Variants in GNPDA2 observed in about 807,000 individuals in gnomAD.
GNPDA2 encodes the protein glucosamine-6-phosphate deaminase 2, also known as glcN6P deaminase 2.
In GNPDA2, 24 loss-of-function variants were observed where a neutral mutation model predicts 27.0. That is an observed-to-expected ratio of 0.89 (90% CI 0.64 to 1.25). GNPDA2 has a LOEUF of 1.25. Among genes scored for constraint, GNPDA2 ranks in the 50% most tolerant of loss-of-function variants. GNPDA2 has a pLI of 0.00. For missense variants in GNPDA2, 286 were observed against 335.1 expected (o/e 0.85, Z 1.14); for synonymous variants, 94 against 108.4 (o/e 0.87, Z 0.83).
chr4:44,708,075 T>C (rs987488777), intron 5 of GNPDA2, 149 bp from the exon 6 acceptor site: 5 of 511,330 alleles, frequency 9.8e-6, no homozygotes, highest in African/African-American at 9.6e-5. Context: ...TATTCATTTC[T>C]ACTTTTTAAG....
chr4:44,717,281 G>C lies in GNPDA2; in HGVS notation c.241C>G (p.His81Asp). 1 of 1,480,154 alleles carries C rather than the reference G, an allele frequency of 6.8e-7. No homozygotes were observed. The allele number at this position is 1,480,154 out of a possible 1,614,324, so 91.7% of individuals were successfully genotyped here. A position where few individuals can be genotyped will look rare whatever the true frequency, so the allele number is the denominator to read the frequency against. ...MDEYVGLPRN[H>D]PESYHSYMWN... The stretch of plus-strand genomic sequence containing the variant: ...ATATAAGAATGGTAGCTTTCAGGAT[G>C]ATTTCTTGGAAGTCCTAAAGATGAA... The change falls in exon 4 of 7, where the codon CAT becomes GAT. Residue 81 changes from histidine (H) to aspartate (D), a missense_variant. Coordinates refer to ENST00000295448, the MANE Select transcript of GNPDA2 (RefSeq NM_138335.3).
chr4:44,707,996 G>A, intron 5 of GNPDA2, 70 bp from the exon 6 acceptor site: 3 of 1,063,538 alleles, frequency 2.8e-6, no homozygotes, highest in Admixed American at 2.6e-5. Flanking sequence ...TTTTTTAAAC[G>A]AGAACTTAAG....
chr4:44,711,209 A>C, intron 4 of GNPDA2, 72 bp from the exon 5 acceptor site: 3 of 893,898 alleles, frequency 3.4e-6, no homozygotes, highest in Non-Finnish European at 3.1e-6. Context: ...TGCGTTAAAG[A>C]ACAAAAAAAA....
chr4:44,719,376 AACAAAT>A (rs1237248774), intron 2 of GNPDA2, among the ~76,000 whole-genome samples: 1 of 152,062 alleles, frequency 6.6e-6, no homozygotes, highest in Non-Finnish European at 1.5e-5. Context: ...CTCTGACAAA[AACAAAT>A]ACAAAGGAAA....
chr4:44,713,737 G>A (rs968044700), intron 4 of GNPDA2, among the ~76,000 whole-genome samples: 9 of 151,796 alleles, frequency 5.9e-5, no homozygotes, highest in African/African-American at 1.5e-4. Flanking sequence ...AAAATTAGCC[G>A]GGCATGGCGG....
In GNPDA2 at chr4:44,703,022, A is replaced by G. The variant is rs767844506; in HGVS notation, c.*59T>C. ...TGTCATATTGCATAGCTGAAAATTC[A>G]TCTACTACTTAGTAAAAAGTGCTCT... On this transcript the variant is annotated 3_prime_UTR_variant, in exon 7 of 7. Coordinates refer to ENST00000295448, the MANE Select transcript of GNPDA2 (RefSeq NM_138335.3). The G allele has an allele frequency of 5.4e-5, 87 of 1,596,854 alleles. No individual in the cohort carries two copies. The highest frequency in any genetic ancestry group is 5.0e-4 in the Admixed American group (28 of 55,574).
chr4:44,718,939 A>T (rs1393243431), intron 2 of GNPDA2, among the ~76,000 whole-genome samples: 1 of 151,990 alleles, frequency 6.6e-6, no homozygotes, highest in African/African-American at 2.4e-5. Context: ...ATCTTTTGAT[A>T]ACTTCAGCAT....
chr4:44,710,503 A>C (rs774558754), intron 5 of GNPDA2, among the ~76,000 whole-genome samples: 30 of 152,296 alleles, frequency 2.0e-4, no homozygotes, highest in Admixed American at 5.2e-4. Context: ...GCCCTAGCTG[A>C]GTTCCTTTTC....
Position 44,718,318 on chromosome 4 carries a change from C to A in GNPDA2, c.217G>T (p.Glu73Ter). The A allele has an allele frequency of 1.7e-6, 2 of 1,206,648 alleles. No individual in the cohort carries two copies. The highest frequency in any genetic ancestry group is 1.4e-5 in the South Asian group (1 of 69,956). 74.7% of individuals were successfully genotyped at this position (1,206,648 alleles called of 1,614,324 possible). A position where few individuals can be genotyped will look rare whatever the true frequency, so the allele number is the denominator to read the frequency against. Residue 73 changes from glutamate to a stop codon, truncating the protein, a stop_gained, in exon 3 of 7, where the codon GAA (glutamate) becomes TAA (stop). Coordinates refer to ENST00000295448, the MANE Select transcript of GNPDA2 (RefSeq NM_138335.3). LOFTEE classifies it high-confidence loss of function. ...FKYVKTFNMD[E>*]YVGLPRNHPE... ...TTTAAGTATAGCTTACCTACATATT[C>A]ATCCATATTAAAGGTCTTCACATAT...
At chr4:44,725,137 T>C (rs532493770) in intron 1 of GNPDA2, among the ~76,000 whole-genome samples, 33 of 37,170 alleles carry the variant, frequency 8.9e-4, no homozygotes, top group African/African-American at 1.8e-3. Context: ...TGAAGACCTA[T>C]TATATTCTAA....
chr4:44,703,396 G>A, intron 6 of GNPDA2: 2 of 1,200,970 alleles, frequency 1.7e-6, no homozygotes, highest in Non-Finnish European at 2.1e-6. Context: ...GGAGTAACCA[G>A]AAGAGCATTT....
At chr4:44,723,893 C>T (rs906585805) in intron 1 of GNPDA2, among the ~76,000 whole-genome samples, 4 of 152,092 alleles carry the variant, frequency 2.6e-5, no homozygotes, top group Non-Finnish European at 5.9e-5. Flanking sequence ...TTATCGGTTA[C>T]CCCTTATCTG....
intron 6 of GNPDA2, chr4:44,705,357 C>G: frequency 1.0e-6 from 1 of 985,014 alleles, no homozygotes; most frequent in African/African-American, 1.7e-5. Flanking sequence ...CCCAGAATGT[C>G]TAAATTCTGT....
chr4:44,718,200 A>G, intron 3 of GNPDA2, 109 bp downstream of exon 3: 1 of 470,760 alleles, frequency 2.1e-6, no homozygotes, highest in Non-Finnish European at 3.8e-6. Flanking sequence ...ATACATTAAT[A>G]TTATATTCAA....
chr4:44,710,779 T>C lies in GNPDA2; in HGVS notation c.594+174A>G, dbSNP rs550835688. ...TAGTTTACAGCTCCAAAAGACTTAA[T>C]TGATCCCTAAACATGTCAATGAGAC... On this transcript the variant is annotated intron_variant, in intron 5 of 6. Coordinates refer to ENST00000295448, the MANE Select transcript of GNPDA2 (RefSeq NM_138335.3). Among the ~76,000 whole-genome samples the C allele has an allele frequency of 2.0e-5, 3 of 152,296 alleles. No homozygotes were observed. In the South Asian group the frequency reaches 6.2e-4, roughly 32 times the overall value.
intron 6 of GNPDA2, 193 bp downstream of exon 6, chr4:44,707,559 G>A (rs898066567): frequency 2.0e-5 from 6 of 301,344 alleles, no homozygotes; most frequent in Non-Finnish European, 2.5e-5. Flanking sequence ...TTCTCTTCAT[G>A]AAAAAAAAAA....
chr4:44,704,153 G>T, intron 6 of GNPDA2: 2 of 985,118 alleles, frequency 2.0e-6, no homozygotes, highest in South Asian at 9.4e-5. Flanking sequence ...TGTGTAGTAG[G>T]AGAAATTCTA....
Position 44,703,046 on chromosome 4 carries a change from C to G in GNPDA2, c.*35G>C, listed in dbSNP as rs527613677. 39 of 1,608,088 alleles carry G rather than the reference C, an allele frequency of 2.4e-5. No individual in the cohort carries two copies. Among genetic ancestry groups the G allele is most frequent in the Non-Finnish European group, 3.1e-5 (36 of 1,178,012 alleles). ...CATCTACTACTTAGTAAAAAGTGCT[C>G]TGTTCATTCAAGCTGAATTTTGCTC... On this transcript the variant is annotated 3_prime_UTR_variant, in exon 7 of 7. Transcript: ENST00000295448.
intron 1 of GNPDA2, among the ~76,000 whole-genome samples, chr4:44,722,741 A>G (rs1717758563): frequency 6.6e-6 from 1 of 152,196 alleles, no homozygotes; most frequent in Admixed American, 6.5e-5. Context: ...GGACTTAAGC[A>G]TCTGTGGATT....
Sources: allele counts gnomAD v4.1 joint callset (sites outside exome capture counted in the v4.1 genomes callset), GRCh38; gene constraint gnomAD v4.1.1; transcripts MANE v1.5; gene names NCBI Gene and HGNC (gene_info 2026-07-23, HGNC 2026-07-21).